Variants in GRID2 observed in about 807,000 individuals in gnomAD.
The protein encoded by GRID2 is glutamate receptor ionotropic, delta-2.
GRID2 carries 33 observed loss-of-function variants against 114.8 expected under a neutral mutation model. The ratio of observed to expected loss-of-function variants is 0.29; its 90% CI spans 0.22 to 0.38. The LOEUF (loss-of-function observed/expected upper bound fraction) is 0.38, where lower values mean the gene tolerates loss of function less well. Among genes scored for constraint, GRID2 ranks in the 10% least tolerant of loss-of-function variants. The pLI is 1.00. For synonymous variants in GRID2, 505 were observed against 449.9 expected (o/e 1.12, Z -1.55); for missense variants, 1,184 against 1,257.7 (o/e 0.94, Z 0.89).
At chr4:93,377,708 CT>C (rs1763499402) in intron 8 of GRID2, among the ~76,000 whole-genome samples, 1 of 152,140 alleles carries the variant, frequency 6.6e-6, no homozygotes, top group South Asian at 2.1e-4. Flanking sequence ...AATAACACTT[CT>C]GAGGATTGAG....
intron 2 of GRID2, among the ~76,000 whole-genome samples, chr4:93,055,045 C>G (rs142063760): frequency 6.6e-6 from 1 of 151,954 alleles, no homozygotes; most frequent in Non-Finnish European, 1.5e-5. Context: ...AAGTTATCAT[C>G]CACATAGTGA....
At chr4:93,504,881 T>G (rs1176703681) in intron 12 of GRID2, among the ~76,000 whole-genome samples, 1 of 152,220 alleles carries the variant, frequency 6.6e-6, no homozygotes, top group African/African-American at 2.4e-5. Context: ...ATTTAGTATT[T>G]AATTTGACAA....
chr4:92,892,976 T>C (rs930113284), intron 2 of GRID2, among the ~76,000 whole-genome samples: 3 of 152,190 alleles, frequency 2.0e-5, no homozygotes, highest in Non-Finnish European at 4.4e-5. Context: ...AGAAATAAAA[T>C]ATGAAAGAAA....
At chr4:93,165,363 T>A (rs987967623) in intron 4 of GRID2, among the ~76,000 whole-genome samples, 6 of 151,720 alleles carry the variant, frequency 4.0e-5, no homozygotes. Flanking sequence ...AAAGTCAAGG[T>A]TATTAATAGA....
chr4:93,731,595 G>T (rs1214978013), intron 14 of GRID2, among the ~76,000 whole-genome samples: 2 of 152,098 alleles, frequency 1.3e-5, no homozygotes, highest in African/African-American at 4.8e-5. Flanking sequence ...CTACAGCAAG[G>T]CAGGGAAGAG....
intron 1 of GRID2, among the ~76,000 whole-genome samples, chr4:92,518,343 A>G (rs1043624960): frequency 6.6e-6 from 1 of 151,910 alleles, no homozygotes; most frequent in African/African-American, 2.4e-5. Flanking sequence ...CCAAGATCCA[A>G]TTTGCTTTTC....
intron 1 of GRID2, among the ~76,000 whole-genome samples, chr4:92,392,422 T>C (rs1579288194): frequency 6.6e-6 from 1 of 151,958 alleles, no homozygotes; most frequent in Admixed American, 6.6e-5. Flanking sequence ...GCCTGTAATC[T>C]CAGCTACTTG....
intron 1 of GRID2, among the ~76,000 whole-genome samples, chr4:92,367,710 A>T (rs1728936473): frequency 1.3e-5 from 2 of 152,112 alleles, no homozygotes; most frequent in South Asian, 4.1e-4. Context: ...AGATTTAAGC[A>T]GAGAAATGGC....
At chr4:93,298,321 AG>A (rs1395430734) in intron 8 of GRID2, among the ~76,000 whole-genome samples, 1 of 152,208 alleles carries the variant, frequency 6.6e-6, no homozygotes, top group African/African-American at 2.4e-5. Context: ...CTGAAGTCTA[AG>A]ATCAGGAGGC....
chr4:93,253,400 C>T (rs1749203435), intron 8 of GRID2, among the ~76,000 whole-genome samples: 2 of 152,058 alleles, frequency 1.3e-5, no homozygotes. Flanking sequence ...TATAGATTTA[C>T]TAGTTCTAAT....
intron 1 of GRID2, among the ~76,000 whole-genome samples, chr4:92,352,492 G>A (rs187109098): frequency 4.0e-5 from 6 of 151,766 alleles, no homozygotes; most frequent in South Asian, 2.1e-4. Flanking sequence ...TGATTGTTAC[G>A]TTTTCTAGGC....
intron 2 of GRID2, among the ~76,000 whole-genome samples, chr4:92,818,519 G>C (rs1188027689): frequency 1.3e-5 from 2 of 152,114 alleles, no homozygotes; most frequent in Non-Finnish European, 2.9e-5. Context: ...CTAATGGACA[G>C]TTAACAGTCT....
chr4:92,740,836 T>C (rs1736862114), intron 2 of GRID2, among the ~76,000 whole-genome samples: 1 of 152,096 alleles, frequency 6.6e-6, no homozygotes, highest in Non-Finnish European at 1.5e-5. Context: ...AACCTCCGCC[T>C]CCTGGGTTCA....
At chr4:92,997,951 T>G (rs1755304971) in intron 2 of GRID2, among the ~76,000 whole-genome samples, 2 of 152,054 alleles carry the variant, frequency 1.3e-5, no homozygotes, top group African/African-American at 4.8e-5. Flanking sequence ...ATTTGTCAAA[T>G]CACATATCAG....
At chr4:92,712,937 C>A (rs12510500) in intron 2 of GRID2, among the ~76,000 whole-genome samples, 24,919 of 151,614 alleles carry the variant, frequency 0.16, 2,226 homozygotes, top group East Asian at 0.34. Context: ...AAGTTCAAAC[C>A]CAGAGTCAAA....
intron 1 of GRID2, among the ~76,000 whole-genome samples, chr4:92,546,593 C>T (rs1009848387): frequency 2.0e-5 from 3 of 152,072 alleles, no homozygotes; most frequent in Non-Finnish European, 2.9e-5. Context: ...CACATGTGCA[C>T]GTAGTTGTGT....
intron 2 of GRID2, among the ~76,000 whole-genome samples, chr4:92,618,428 G>A (rs1364208228): frequency 1.3e-5 from 2 of 151,738 alleles, no homozygotes; most frequent in African/African-American, 4.8e-5. Context: ...AGCACATTTT[G>A]AAGTTTGATA....
At chr4:93,736,483 G>A (rs1372255112) in intron 14 of GRID2, among the ~76,000 whole-genome samples, 1 of 152,022 alleles carries the variant, frequency 6.6e-6, no homozygotes, top group African/African-American at 2.4e-5. Flanking sequence ...TGGCTTCTGA[G>A]ACTATGCCTT....
intron 2 of GRID2, among the ~76,000 whole-genome samples, chr4:92,983,667 C>A (rs1418772277): frequency 6.6e-6 from 1 of 151,938 alleles, no homozygotes; most frequent in Admixed American, 6.6e-5. Flanking sequence ...TCAGTTAGAA[C>A]CCTTTAAGAT....
Sources: allele counts gnomAD v4.1 joint callset (sites outside exome capture counted in the v4.1 genomes callset), GRCh38; gene constraint gnomAD v4.1.1; transcripts MANE v1.5; gene names NCBI Gene and HGNC (gene_info 2026-07-23, HGNC 2026-07-21).